MAP3K15: variants seen among roughly 807,000 people sequenced by gnomAD.
MAP3K15 encodes the protein mitogen-activated protein kinase kinase kinase 15, also known as MAPK/ERK kinase kinase 15.
In MAP3K15, 124 loss-of-function variants were observed where a neutral mutation model predicts 99.5. The ratio of observed to expected loss-of-function variants is 1.25; its 90% CI spans 1.08 to 1.45. The LOEUF (loss-of-function observed/expected upper bound fraction) is 1.45, where lower values mean the gene tolerates loss of function less well. MAP3K15 is among the 40% of genes most tolerant of loss of function. The pLI is 0.00. For missense variants in MAP3K15, 1,242 were observed against 1,079.7 expected (o/e 1.15, Z -2.11); for synonymous variants, 494 against 439.6 (o/e 1.12, Z -1.55).
At chrX:19,416,713 T>C (rs2063738922) in intron 9 of MAP3K15, among the ~76,000 whole-genome samples, 2 of 112,164 alleles carry the variant, frequency 1.8e-5, no homozygotes, top group Non-Finnish European at 3.8e-5. Context: ...ACTGCAGTTG[T>C]CAGTGGTTGC....
Position 19,451,338 on chromosome X carries a change from G to A in MAP3K15, c.995+5575C>T, listed in dbSNP as rs149642721. Among the ~76,000 whole-genome samples, 644 of 103,478 alleles carry A rather than the reference G, an allele frequency of 6.2e-3. 11 individuals are homozygous for A. The highest frequency in any genetic ancestry group is 0.021 in the African/African-American group (598 of 29,113). 89.9% of individuals were successfully genotyped at this position (103,478 alleles called of 115,157 possible). A position where few individuals can be genotyped will look rare whatever the true frequency, so the allele number is the denominator to read the frequency against. The stretch of plus-strand genomic sequence containing the variant: ...TGAGACATCAAACTTAAAAACTTTT[G>A]GGCATCAAAGGATACAATCAACAGA... On this transcript the variant is annotated intron_variant, in intron 6 of 28. Coordinates refer to ENST00000338883, the MANE Select transcript of MAP3K15 (RefSeq NM_001001671.4).
chrX:19,423,129 A>G (rs560628900), intron 9 of MAP3K15, among the ~76,000 whole-genome samples: 1 of 110,925 alleles, frequency 9.0e-6, no homozygotes, highest in East Asian at 2.8e-4. Context: ...ATAGATATGT[A>G]AGTAACCTGC....
At chrX:19,409,322 G>C (rs1210236653) in intron 12 of MAP3K15, among the ~76,000 whole-genome samples, 1 of 111,612 alleles carries the variant, frequency 9.0e-6, no homozygotes, top group Non-Finnish European at 1.9e-5. Context: ...CCAGCAAAGA[G>C]AGATTAGAAC....
At chrX:19,364,153 G>A (rs1322340538) in intron 25 of MAP3K15, among the ~76,000 whole-genome samples, 1 of 112,126 alleles carries the variant, frequency 8.9e-6, no homozygotes, top group Admixed American at 9.4e-5. Flanking sequence ...CCCCTGTTTT[G>A]AAGCTGAGGT....
In MAP3K15 at chrX:19,419,445, C is replaced by T. The variant is rs1477697657; in HGVS notation, c.1440-4188G>A. 3.7e-5 allele frequency among the ~76,000 whole-genome samples: 4 copies of T among 108,969 alleles called. No homozygotes were observed. The Admixed American group carries it at 3.9e-4, about 11-fold the overall frequency. The allele number at this position is 108,969 out of a possible 115,157, so 94.6% of individuals were successfully genotyped here. On this transcript the variant is annotated intron_variant, in intron 9 of 28. Transcript: ENST00000338883. ...CAAAGATCAAAAGAGACAAAGAAGG[C>T]CATTACATAATGGTAAAGGGATCAA...
intron 24 of MAP3K15, among the ~76,000 whole-genome samples, chrX:19,369,981 CAGA>C (rs1008869632): frequency 2.7e-5 from 3 of 111,067 alleles, no homozygotes; most frequent in African/African-American, 9.8e-5. Context: ...CGTTTTACTA[CAGA>C]AGGTGTCTGC....
chrX:19,460,760 T>C (rs2064126528), intron 4 of MAP3K15, among the ~76,000 whole-genome samples: 1 of 109,481 alleles, frequency 9.1e-6, no homozygotes, highest in Non-Finnish European at 1.9e-5. Context: ...TTTGTTTTTT[T>C]GTTTTTTTTT....
chrX:19,424,270 A>C (rs1425692243), intron 9 of MAP3K15, among the ~76,000 whole-genome samples: 1 of 105,542 alleles, frequency 9.5e-6, no homozygotes, highest in Admixed American at 1.0e-4. Context: ...ATATATACAC[A>C]CATATATACA....
At chrX:19,435,502 T>C (rs1394014424) in intron 6 of MAP3K15, among the ~76,000 whole-genome samples, 1 of 112,256 alleles carries the variant, frequency 8.9e-6, no homozygotes, top group African/African-American at 3.2e-5. Flanking sequence ...ACCAGTTACA[T>C]CAAGATTTCC....
chrX:19,365,114 CAGA>C (rs2063325498), intron 25 of MAP3K15, among the ~76,000 whole-genome samples: 1 of 107,640 alleles, frequency 9.3e-6, no homozygotes, highest in African/African-American at 3.4e-5. Context: ...GAGACTGAGG[CAGA>C]AGAATAGTTC....
rs1040624680 is a variant in MAP3K15, at chrX:19,392,045, C to T, written c.2388G>A (p.Ser796=). The part of the protein sequence containing the change: ...GVVKISDFGT[S]KRLAGVNPCT... The stretch of plus-strand genomic sequence containing the variant: ...AGGGGTTCACACCCGCAAGACGTTT[C>T]GAGGTTCCAAAATCGGAGATTTTCA... The change falls in exon 18 of 29, where the codon TCG becomes TCA. Residue 796 remains serine (S), a synonymous_variant. Transcript: ENST00000338883. 7.4e-6 allele frequency: 9 copies of T among 1,211,129 alleles called. No homozygotes were observed. The highest frequency in any genetic ancestry group is 2.2e-5 in the Admixed American group (1 of 46,019).
At chrX:19,513,422 T>C (rs1381904803) in intron 1 of MAP3K15, among the ~76,000 whole-genome samples, 1 of 111,217 alleles carries the variant, frequency 9.0e-6, no homozygotes, top group East Asian at 2.8e-4. Flanking sequence ...GAAAACGGAG[T>C]GGTTCTAGGT....
chrX:19,434,928 C>T (rs1259634066), intron 6 of MAP3K15, among the ~76,000 whole-genome samples: 1 of 111,961 alleles, frequency 8.9e-6, no homozygotes, highest in African/African-American at 3.2e-5. Context: ...TACCTTGATC[C>T]TGTTCTAACA....
chrX:19,460,865 C>A (rs1368276177), intron 4 of MAP3K15, among the ~76,000 whole-genome samples: 1 of 110,904 alleles, frequency 9.0e-6, no homozygotes, highest in African/African-American at 3.3e-5. Context: ...ACCTCCGCCT[C>A]CCTGGTTCAA....
chrX:19,372,362 G>A (rs1226158182), intron 22 of MAP3K15, among the ~76,000 whole-genome samples: 1 of 111,349 alleles, frequency 9.0e-6, no homozygotes, highest in Non-Finnish European at 1.9e-5. Context: ...AAGGTGCTTC[G>A]GGCTTTCTGC....
chrX:19,463,002 C>T (rs2064142453), intron 4 of MAP3K15, among the ~76,000 whole-genome samples: 1 of 112,246 alleles, frequency 8.9e-6, no homozygotes, highest in Non-Finnish European at 1.9e-5. Flanking sequence ...CTTGCAAAGA[C>T]CTAAATCATC....
chrX:19,376,410 C>T (rs2063417750), intron 19 of MAP3K15, among the ~76,000 whole-genome samples: 1 of 110,140 alleles, frequency 9.1e-6, no homozygotes, highest in Non-Finnish European at 1.9e-5. Context: ...GGGAATCGTA[C>T]TTTGTCTTCT....
chrX:19,509,018 G>T (rs1602360307), intron 1 of MAP3K15, among the ~76,000 whole-genome samples: 1 of 111,869 alleles, frequency 8.9e-6, no homozygotes, highest in East Asian at 2.8e-4. Flanking sequence ...ACTTGCTCTT[G>T]CTTACGTCCA....
At position 19,464,954 on chromosome X, in the gene MAP3K15, C is replaced by T. The variant is rs780901438; in HGVS notation, c.526-548G>A. On this transcript the variant is annotated intron_variant, in intron 3 of 28. Transcript: ENST00000338883. ...TCACCTAGACTGAAGTGCAGTGGCGCGAACATGGCTCACTGCAGCCTCAAC... is the reference window on the plus strand; with the variant it reads ...TCACCTAGACTGAAGTGCAGTGGCGTGAACATGGCTCACTGCAGCCTCAAC... 1.2e-4 allele frequency among the ~76,000 whole-genome samples: 13 copies of T among 111,153 alleles called. No individual in the cohort carries two copies. In the South Asian group the frequency reaches 2.3e-3, roughly 20 times the overall value.
Sources: allele counts gnomAD v4.1 joint callset (sites outside exome capture counted in the v4.1 genomes callset), GRCh38; gene constraint gnomAD v4.1.1; transcripts MANE v1.5; gene names NCBI Gene and HGNC (gene_info 2026-07-23, HGNC 2026-07-21).